ENG: variants seen among roughly 807,000 people sequenced by gnomAD.
ENG encodes endoglin.
Under a neutral mutation model 71.0 loss-of-function variants are expected in ENG, and 17 were observed. The ratio of observed to expected loss-of-function variants is 0.24; its 90% CI spans 0.16 to 0.36. The LOEUF (loss-of-function observed/expected upper bound fraction) is 0.36, where lower values mean the gene tolerates loss of function less well. Among genes scored for constraint, ENG ranks in the 10% least tolerant of loss-of-function variants. The pLI is 1.00. For synonymous variants in ENG, 360 were observed against 366.9 expected (o/e 0.98, Z 0.21); for missense variants, 749 against 868.3 (o/e 0.86, Z 1.73).
At chr9:127,828,846 T>A (rs1055917533) in intron 3 of ENG, among the ~76,000 whole-genome samples, 3 of 152,138 alleles carry the variant, frequency 2.0e-5, no homozygotes, top group African/African-American at 4.8e-5. Context: ...TTTCTTTCTA[T>A]GCCTCTCTCC....
intron 10 of ENG, 34 bp downstream of exon 10, chr9:127,819,588 G>A: frequency 6.2e-7 from 1 of 1,612,424 alleles, no homozygotes; most frequent in Non-Finnish European, 8.5e-7. Flanking sequence ...CAGCCCCTGG[G>A]CCAGGTGGGT....
intron 2 of ENG, among the ~76,000 whole-genome samples, chr9:127,839,300 C>T (rs1402396395): frequency 1.3e-5 from 2 of 152,148 alleles, no homozygotes; most frequent in African/African-American, 4.8e-5. Flanking sequence ...AGAGTGGCAC[C>T]TGGTGAGGGC....
At chr9:127,816,120 G>C in intron 13 of ENG, 67 bp from the exon 14 acceptor site, 1 of 1,556,694 alleles carries the variant, frequency 6.4e-7, no homozygotes, top group Admixed American at 1.9e-5. Flanking sequence ...CTGTTGTGCT[G>C]GCCCATGTGG....
At chr9:127,817,648 G>A in intron 12 of ENG, 1 of 354,404 alleles carries the variant, frequency 2.8e-6, no homozygotes, top group South Asian at 2.5e-5. Context: ...GACTCTGGGG[G>A]CGTCCAGGAT....
intron 10 of ENG, chr9:127,819,411 C>T: frequency 1.6e-6 from 1 of 625,420 alleles, no homozygotes; most frequent in Non-Finnish European, 2.8e-6. Flanking sequence ...GCCACACAGC[C>T]AGTATGTGCT....
chr9:127,820,191 T>TA (rs1386667090), intron 8 of ENG, among the ~76,000 whole-genome samples, 154 bp from the exon 9 acceptor site: 5 of 152,172 alleles, frequency 3.3e-5, no homozygotes, highest in Non-Finnish European at 7.3e-5. Flanking sequence ...GTCATCATCC[T>TA]ACACCACTTA....
intron 2 of ENG, among the ~76,000 whole-genome samples, chr9:127,840,345 C>T (rs904235597): frequency 7.2e-5 from 11 of 152,236 alleles, no homozygotes; most frequent in Admixed American, 3.3e-4. Flanking sequence ...CCTGTAATCC[C>T]AGCACTTTGG....
chr9:127,823,673 C>G (rs1588580231), intron 8 of ENG, among the ~76,000 whole-genome samples: 1 of 99,036 alleles, frequency 1.0e-5, no homozygotes, highest in Admixed American at 1.1e-4. Flanking sequence ...CAGGCACCGG[C>G]TTTTTTTTTT....
intron 1 of ENG, among the ~76,000 whole-genome samples, chr9:127,847,757 CCGTCTT>C (rs1288691587): frequency 6.6e-6 from 1 of 152,064 alleles, no homozygotes; most frequent in African/African-American, 2.4e-5. Flanking sequence ...AATGCCTGCC[CCGTCTT>C]GTTCAGTACC....
intron 1 of ENG, among the ~76,000 whole-genome samples, chr9:127,848,886 T>C (rs750501827): frequency 1.3e-5 from 2 of 152,264 alleles, no homozygotes; most frequent in Admixed American, 1.3e-4. Flanking sequence ...TATGTCAGTA[T>C]GTTCAGTTCT....
Position 127,815,427 on chromosome 9 carries a change from G to A in ENG, c.*255C>T, listed in dbSNP as rs1051326829. 1 of 589,750 alleles carries A rather than the reference G, an allele frequency of 1.7e-6. No individual in the cohort carries two copies. Among genetic ancestry groups the A allele is most frequent in the Non-Finnish European group, 2.8e-6 (1 of 354,512 alleles). The allele number at this position is 589,750 out of a possible 1,614,324, so 36.5% of individuals were successfully genotyped here. ...TTGGGTTTTTACAACAGCGTGGCAA[G>A]TGGTCTGTCTCCTGGGCAGCCATAT... is the stretch of plus-strand genomic sequence containing the variant. On this transcript the variant is annotated 3_prime_UTR_variant, in exon 15 of 15. Transcript: ENST00000373203.
rs1195991546 is a variant in ENG at position 127,846,495 on chromosome 9, T to C, written c.68-3250A>G. On this transcript the variant is annotated intron_variant, in intron 1 of 14. Transcript: ENST00000373203. The surrounding 1 kb of genome is among the most constrained non-coding windows in gnomAD (Gnocchi z 5.5). Reference sequence around the variant, plus strand: ...CTCCCCAGACTTCCAGGAACCCCAGTTCCTCCCGGATTGCTGGGGCCGCCT... The same window carrying C: ...CTCCCCAGACTTCCAGGAACCCCAGCTCCTCCCGGATTGCTGGGGCCGCCT... Among the ~76,000 whole-genome samples, 5 of 152,158 alleles carry C rather than the reference T, an allele frequency of 3.3e-5. No individual in the cohort carries two copies. Among genetic ancestry groups the C allele is most frequent in the Non-Finnish European group, 5.9e-5 (4 of 68,006 alleles).
chr9:127,822,939 C>T (rs1165899461), intron 8 of ENG, among the ~76,000 whole-genome samples: 2 of 152,056 alleles, frequency 1.3e-5, no homozygotes, highest in African/African-American at 4.8e-5. Context: ...CTACCGGGTT[C>T]AAGCGATTCT....
intron 12 of ENG, chr9:127,817,883 T>C: frequency 1.6e-6 from 1 of 609,782 alleles, no homozygotes; most frequent in Non-Finnish European, 2.9e-6. Flanking sequence ...GATGGATGGA[T>C]AGATGGACAG....
At chr9:127,819,559 A>G in intron 10 of ENG, 63 bp downstream of exon 10, 4 of 1,607,082 alleles carry the variant, frequency 2.5e-6, no homozygotes, top group Non-Finnish European at 3.4e-6. Flanking sequence ...CAGGCCAGGA[A>G]GAGGCCCCGG....
At chr9:127,854,080 C>A (rs1372931131) in intron 1 of ENG, among the ~76,000 whole-genome samples, 2 of 152,226 alleles carry the variant, frequency 1.3e-5, no homozygotes, top group African/African-American at 4.8e-5. Context: ...AAAGAGTCAG[C>A]CCAGTTTGCC....
chr9:127,819,226 T>C (rs1006423739), intron 10 of ENG: 7 of 323,806 alleles, frequency 2.2e-5, no homozygotes, highest in Admixed American at 9.0e-5. Context: ...CGTGAGCCAC[T>C]GCGCCCGGCC....
intron 12 of ENG, 32 bp from the exon 13 acceptor site, chr9:127,817,235 C>G: frequency 1.2e-6 from 2 of 1,613,492 alleles, no homozygotes; most frequent in Non-Finnish European, 1.7e-6. Flanking sequence ...GTATGTGGCA[C>G]CTTTGGGAGG....
chr9:127,825,590 G>A (rs2131888553), intron 5 of ENG, 105 bp downstream of exon 5: 2 of 1,282,380 alleles, frequency 1.6e-6, no homozygotes, highest in Non-Finnish European at 2.1e-6. Flanking sequence ...GCTGGGGCTG[G>A]GACTGGGGTG....
Sources: gnomAD v4.1 joint callset for allele counts (sites outside exome capture counted in the v4.1 genomes callset) on GRCh38, gnomAD v4.1.1 for gene constraint, Gnocchi (gnomAD v3.1) non-coding constraint, MANE v1.5 for transcripts, NCBI Gene and HGNC (gene_info 2026-07-23, HGNC 2026-07-21) for gene names.